FHIT: variants seen among roughly 807,000 people sequenced by gnomAD.
The protein encoded by FHIT is bis(5'-adenosyl)-triphosphatase.
Under a neutral mutation model 17.9 loss-of-function variants are expected in FHIT, and 19 were observed. The ratio of observed to expected loss-of-function variants is 1.06; its 90% CI spans 0.74 to 1.56. FHIT has a LOEUF of 1.56. Among genes scored for constraint, FHIT ranks in the 40% most tolerant of loss-of-function variants. The pLI is 0.00. For missense variants in FHIT, 248 were observed against 189.2 expected (o/e 1.31, Z -1.82); for synonymous variants, 81 against 69.7 (o/e 1.16, Z -0.81).
intron 5 of FHIT, among the ~76,000 whole-genome samples, chr3:60,264,131 G>T (rs1160733959): frequency 1.3e-5 from 2 of 151,874 alleles, no homozygotes; most frequent in Admixed American, 6.6e-5. Flanking sequence ...GATCCAAAGA[G>T]AAAGCCTTTC....
intron 1 of FHIT, among the ~76,000 whole-genome samples, chr3:61,222,078 T>C (rs940671052): frequency 7.9e-5 from 12 of 152,184 alleles, no homozygotes; most frequent in African/African-American, 2.9e-4. Context: ...GGGAGTCTGG[T>C]TGTGCCCTCC....
intron 4 of FHIT, among the ~76,000 whole-genome samples, chr3:60,721,191 G>A (rs1306618488): frequency 2.0e-5 from 3 of 152,088 alleles, no homozygotes; most frequent in Non-Finnish European, 4.4e-5. Context: ...GGAAGCATTT[G>A]CCCTTACCTT....
intron 5 of FHIT, among the ~76,000 whole-genome samples, chr3:60,532,033 A>G (rs2035805688): frequency 6.6e-6 from 1 of 152,224 alleles, no homozygotes; most frequent in African/African-American, 2.4e-5. Context: ...CCCTACATGC[A>G]TCATCCTAAT....
chr3:59,943,588 C>T (rs567288428), intron 7 of FHIT, among the ~76,000 whole-genome samples: 1 of 152,148 alleles, frequency 6.6e-6, no homozygotes, highest in Non-Finnish European at 1.5e-5. Flanking sequence ...TACCTTACTC[C>T]TGTCTGTAAA....
chr3:60,852,612 C>T (rs1052831063), intron 3 of FHIT, among the ~76,000 whole-genome samples: 2 of 151,990 alleles, frequency 1.3e-5, no homozygotes, highest in Non-Finnish European at 2.9e-5. Context: ...CTCTAGAACT[C>T]TTTTAGGCAC....
chr3:60,530,699 T>C (rs767109880), intron 5 of FHIT, among the ~76,000 whole-genome samples: 6 of 152,166 alleles, frequency 3.9e-5, no homozygotes, highest in African/African-American at 9.6e-5. Context: ...GTTTTCTGCA[T>C]TGTAATTCTT....
At position 60,602,729 on chromosome 3, in the gene FHIT, T is replaced by A. The variant is rs1376108095; in HGVS notation, c.-17-65750A>T. The stretch of plus-strand genomic sequence containing the variant: ...CTGAATACTTATGTCTTCTCCAAAT[T>A]CATATGTTGAAATCCTAACTTCCAA... On this transcript the variant is annotated intron_variant, in intron 4 of 9. Coordinates refer to ENST00000492590, the MANE Select transcript of FHIT (RefSeq NM_002012.4). 3.3e-5 allele frequency among the ~76,000 whole-genome samples: 5 copies of A among 152,194 alleles called. No individual in the cohort carries two copies. In the East Asian group the frequency reaches 9.7e-4, roughly 29 times the overall value.
chr3:60,038,850 G>C (rs1701325613), intron 5 of FHIT, among the ~76,000 whole-genome samples: 1 of 152,142 alleles, frequency 6.6e-6, no homozygotes, highest in African/African-American at 2.4e-5. Flanking sequence ...CAAAAAATAA[G>C]ACACATACAA....
At chr3:60,106,039 T>G (rs145799771) in intron 5 of FHIT, among the ~76,000 whole-genome samples, 1 of 152,304 alleles carries the variant, frequency 6.6e-6, no homozygotes, top group African/African-American at 2.4e-5. Context: ...TGATGAAATC[T>G]CATTGTCTCT....
At chr3:60,317,343 T>C (rs73103040) in intron 5 of FHIT, among the ~76,000 whole-genome samples, 57 of 151,908 alleles carry the variant, frequency 3.8e-4, no homozygotes, top group Non-Finnish European at 7.4e-4. Flanking sequence ...ATCTTTGTAA[T>C]TGATAAATGA....
chr3:60,944,813 A>G (rs1187028944), intron 3 of FHIT, among the ~76,000 whole-genome samples: 4 of 152,170 alleles, frequency 2.6e-5, no homozygotes, highest in Non-Finnish European at 5.9e-5. Context: ...AGGCATGCCA[A>G]ATTAAGAGTC....
At chr3:60,130,888 CACACAT>C (rs1184885761) in intron 5 of FHIT, among the ~76,000 whole-genome samples, 4 of 98,996 alleles carry the variant, frequency 4.0e-5, no homozygotes, top group Non-Finnish European at 8.5e-5. Flanking sequence ...CATGTATATA[CACACAT>C]ACACATATAT....
intron 5 of FHIT, among the ~76,000 whole-genome samples, chr3:60,439,443 G>T (rs1167646851): frequency 1.3e-5 from 2 of 152,070 alleles, no homozygotes; most frequent in Non-Finnish European, 1.5e-5. Context: ...GTAGCTAGAG[G>T]CAAGATTCTC....
chr3:59,896,238 T>C (rs1704065861), intron 8 of FHIT, among the ~76,000 whole-genome samples: 1 of 152,178 alleles, frequency 6.6e-6, no homozygotes, highest in Admixed American at 6.5e-5. Flanking sequence ...CCTGGCACAA[T>C]GTAAGAAGTC....
rs569789340 is a variant in FHIT at position 59,987,946 on chromosome 3, C to T, written c.279+23425G>A. ...TTGAAATATATTTTGAAAAGGGGAA[C>T]AAGACGTAACCTGACCCACTACAGA... On this transcript the variant is annotated intron_variant, in intron 7 of 9. Transcript: ENST00000492590. Among the ~76,000 whole-genome samples, 4 of 152,140 alleles carry T rather than the reference C, an allele frequency of 2.6e-5. No homozygotes were observed. In the South Asian group the frequency reaches 8.3e-4, roughly 32 times the overall value.
intron 4 of FHIT, among the ~76,000 whole-genome samples, chr3:60,721,806 T>C (rs2041815234): frequency 1.3e-5 from 2 of 150,248 alleles, no homozygotes; most frequent in African/African-American, 5.0e-5. Context: ...TAAAAAAGAG[T>C]ATTATTATTA....
chr3:61,029,059 G>T (rs2032880131), intron 3 of FHIT, among the ~76,000 whole-genome samples: 1 of 152,082 alleles, frequency 6.6e-6, no homozygotes, highest in Admixed American at 6.5e-5. Flanking sequence ...CATTCCTCAT[G>T]CTCTTCTGAG....
intron 4 of FHIT, among the ~76,000 whole-genome samples, chr3:60,689,047 G>A (rs142609973): frequency 5.9e-5 from 9 of 152,180 alleles, no homozygotes; most frequent in African/African-American, 1.7e-4. Context: ...TGAATCATGG[G>A]GGGTGGGTCT....
At chr3:61,184,040 A>C (rs952003635) in intron 2 of FHIT, among the ~76,000 whole-genome samples, 1 of 151,996 alleles carries the variant, frequency 6.6e-6, no homozygotes, top group African/African-American at 2.4e-5. Context: ...CTAGTTTCTA[A>C]ATCAGAAAGA....
Sources: allele counts gnomAD v4.1 joint callset (sites outside exome capture counted in the v4.1 genomes callset), GRCh38; gene constraint gnomAD v4.1.1; transcripts MANE v1.5; gene names NCBI Gene and HGNC (gene_info 2026-07-23, HGNC 2026-07-21).